RIBC2: variants seen among roughly 807,000 people sequenced by gnomAD.
RIBC2 encodes RIB43A-like with coiled-coils protein 2.
In RIBC2, 40 loss-of-function variants were observed where a neutral mutation model predicts 44.3. The observed-to-expected ratio is 0.90, with a 90% CI of 0.70 to 1.18. RIBC2 has a LOEUF of 1.18. Among genes scored for constraint, RIBC2 ranks in the 50% most tolerant of loss-of-function variants. The pLI is 0.00. For missense variants in RIBC2, 459 were observed against 485.5 expected (o/e 0.95, Z 0.51); for synonymous variants, 171 against 175.0 (o/e 0.98, Z 0.18).
At chr22:45,421,484 AATTAATT>A (rs1259785473) in intron 3 of RIBC2, among the ~76,000 whole-genome samples, 36 of 136,460 alleles carry the variant, frequency 2.6e-4, no homozygotes, top group Admixed American at 7.9e-4. Context: ...TTGGATGTCT[AATTAATT>A]ATTATTATTA....
Position 45,414,358 on chromosome 22 carries a change from C to G in RIBC2, c.166C>G (p.Gln56Glu), listed in dbSNP as rs914039259. Reference protein sequence around the residue: ...TEAWDVQVHDQKIKEATEKAR... With the variant: ...TEAWDVQVHDEKIKEATEKAR... ...AGCCTGGGATGTTCAAGTTCATGACCAGAAGATAAAAGAAGCTACTGAAAA... is the reference window on the plus strand; with the variant it reads ...AGCCTGGGATGTTCAAGTTCATGACGAGAAGATAAAAGAAGCTACTGAAAA... The change falls in exon 2 of 7, where the codon CAG (glutamine) becomes GAG (glutamate). Residue 56 changes from glutamine (Q) to glutamate (E), a missense_variant. Coordinates refer to ENST00000614167, the MANE Select transcript of RIBC2 (RefSeq NM_015653.5). 1.8e-5 allele frequency: 28 copies of G among 1,550,968 alleles called. No individual in the cohort carries two copies. Among genetic ancestry groups the G allele is most frequent in the Non-Finnish European group, 2.2e-5 (25 of 1,146,824 alleles).
At chr22:45,431,313 TG>T (rs891530174) in intron 6 of RIBC2, among the ~76,000 whole-genome samples, 4 of 152,054 alleles carry the variant, frequency 2.6e-5, no homozygotes, top group African/African-American at 7.2e-5. Flanking sequence ...CTGAGTCTGC[TG>T]GGGGAGTCAG....
chr22:45,414,120 A>T, intron 1 of RIBC2, 105 bp downstream of exon 1: 1 of 1,496,722 alleles, frequency 6.7e-7, no homozygotes, highest in Non-Finnish European at 8.9e-7. Context: ...CTGAGCCAGG[A>T]GGCAGCAAAC....
At chr22:45,421,877 C>T (rs1178359014) in intron 3 of RIBC2, among the ~76,000 whole-genome samples, 1 of 152,110 alleles carries the variant, frequency 6.6e-6, no homozygotes, top group Non-Finnish European at 1.5e-5. Context: ...CCACTTCCTC[C>T]ATAGAGTCCT....
At chr22:45,432,153 A>G (rs5765356) in intron 6 of RIBC2, 131 bp from the exon 7 acceptor site, 320,729 of 580,864 alleles carry the variant, frequency 0.55, 93,871 homozygotes, top group African/African-American at 0.88. Context: ...CTCATTAGGT[A>G]TGAAACGTAT....
Position 45,417,582 on chromosome 22 carries a change from A to G in RIBC2, c.212-20A>G, listed in dbSNP as rs146615540. 7 of 1,554,744 alleles carry G rather than the reference A, an allele frequency of 4.5e-6. No homozygotes were observed. In the African/African-American group the frequency reaches 8.2e-5, roughly 18 times the overall value. On this transcript the variant is annotated intron_variant, in intron 2 of 6. Transcript: ENST00000614167. ...TTTCCTCTGAATCCTAAGCTTATGG[A>G]TATGCTGTATCTCTTCCAGCTGCTG...
rs200413945 is a variant in RIBC2 at position 45,421,547 on chromosome 22, A to T, written c.557-743A>T. On this transcript the variant is annotated intron_variant, in intron 3 of 6. Transcript: ENST00000614167. ...AATAATAGTATTATTAATAATATTA[A>T]TAATAATAATAGTATTATTAATAAT... Among the ~76,000 whole-genome samples, 229 of 24,976 alleles carry T rather than the reference A, an allele frequency of 9.2e-3. 1 individual carries two copies. Among genetic ancestry groups the T allele is most frequent in the African/African-American group, 0.089 (177 of 1,986 alleles). The allele number at this position is 24,976 out of a possible 152,430, so 16.4% of individuals were successfully genotyped here. A position where few individuals can be genotyped will look rare whatever the true frequency, so the allele number is the denominator to read the frequency against.
At position 45,419,814 on chromosome 22, in the gene RIBC2, C is replaced by T. The variant is rs2146877968; in HGVS notation, c.556+1868C>T. ...GGCTGAGGCGGGCAGATCACGAGGT[C>T]AGGAGATCAAGACCATCCTGGCTAA... is the stretch of plus-strand genomic sequence containing the variant. On this transcript the variant is annotated intron_variant, in intron 3 of 6. Transcript: ENST00000614167. Among the ~76,000 whole-genome samples, 4 of 152,028 alleles carry T rather than the reference C, an allele frequency of 2.6e-5. No individual in the cohort carries two copies. The Middle Eastern group carries it at 0.014, about 521-fold the overall frequency.
intron 5 of RIBC2, among the ~76,000 whole-genome samples, chr22:45,428,227 G>A (rs1428626579): frequency 6.6e-6 from 1 of 152,218 alleles, no homozygotes; most frequent in Non-Finnish European, 1.5e-5. Flanking sequence ...GCAGAGGAGT[G>A]GGGCTGCCAG....
At position 45,413,716 on chromosome 22, in the gene RIBC2, G is replaced by A. The variant is rs1569205381; in HGVS notation, c.-171G>A. On this transcript the variant is annotated 5_prime_UTR_variant, in exon 1 of 7. Transcript: ENST00000614167. ...GAGTTGTTGACATTTCCGAGAGAGC[G>A]GGAGCGTCTGTACCTCTGCGGCGTC... The A allele has an allele frequency of 6.0e-6, 7 of 1,158,642 alleles. No individual in the cohort carries two copies. Among genetic ancestry groups the A allele is most frequent in the South Asian group, 4.5e-5 (3 of 66,998 alleles). 71.8% of individuals were successfully genotyped at this position (1,158,642 alleles called of 1,614,324 possible).
chr22:45,418,860 C>T (rs547030564), intron 3 of RIBC2, among the ~76,000 whole-genome samples: 1 of 152,282 alleles, frequency 6.6e-6, no homozygotes, highest in South Asian at 2.1e-4. Context: ...TTTATGCCCT[C>T]CCTGCTCCAC....
At chr22:45,424,790 C>T (rs1161306041) in intron 4 of RIBC2, among the ~76,000 whole-genome samples, 3 of 127,274 alleles carry the variant, frequency 2.4e-5, no homozygotes, top group African/African-American at 9.2e-5. Context: ...GTCTTGTTCT[C>T]TTGCCCAGCC....
In RIBC2 at chr22:45,413,744, T is replaced by G. The variant is rs2087386761; in HGVS notation, c.-143T>G. On this transcript the variant is annotated 5_prime_UTR_variant, in exon 1 of 7. Transcript: ENST00000614167. ...AGCGTCTGTACCTCTGCGGCGTCAC[T>G]GGGAGCCCGACGGAAAACTGCGCTA... 7.9e-7 allele frequency: 1 copy of G among 1,272,794 alleles called. No individual in the cohort carries two copies. 78.8% of individuals were successfully genotyped at this position (1,272,794 alleles called of 1,614,324 possible).
chr22:45,414,764 G>A (rs886284762), intron 2 of RIBC2, among the ~76,000 whole-genome samples: 6 of 152,110 alleles, frequency 3.9e-5, no homozygotes, highest in Admixed American at 1.3e-4. Flanking sequence ...TATTGAATTC[G>A]AATGTGGATT....
chr22:45,416,887 T>C (rs2087430030), intron 2 of RIBC2, among the ~76,000 whole-genome samples: 1 of 151,282 alleles, frequency 6.6e-6, no homozygotes, highest in African/African-American at 2.4e-5. Context: ...CATAATTGTA[T>C]TGATTACTCA....
At chr22:45,425,585 G>A (rs1389547582) in intron 4 of RIBC2, among the ~76,000 whole-genome samples, 1 of 152,222 alleles carries the variant, frequency 6.6e-6, no homozygotes, top group Non-Finnish European at 1.5e-5. Context: ...GCCCACAGAT[G>A]TCCAAGGGTT....
chr22:45,432,257 CT>C (rs747390850), intron 6 of RIBC2, 26 bp from the exon 7 acceptor site: 1,652 of 1,137,220 alleles, frequency 1.5e-3, no homozygotes, highest in South Asian at 2.0e-3. Context: ...ATTTGCTGAC[CT>C]TTTTTTTTTC....
Position 45,417,965 on chromosome 22 carries a change from C to T in RIBC2, c.556+19C>T, listed in dbSNP as rs189384368. Reference sequence around the variant, plus strand: ...TGCGCAGGTAATGAAACAGAAGAGACGAGCTGGTCTCAACGCTCTCTTCAA... The same window carrying T: ...TGCGCAGGTAATGAAACAGAAGAGATGAGCTGGTCTCAACGCTCTCTTCAA... On this transcript the variant is annotated intron_variant, in intron 3 of 6. Transcript: ENST00000614167. 8.8e-5 allele frequency: 135 copies of T among 1,526,494 alleles called. 1 individual carries two copies. In the African/African-American group the frequency reaches 1.2e-3, roughly 14 times the overall value. 94.6% of individuals were successfully genotyped at this position (1,526,494 alleles called of 1,614,324 possible). A position where few individuals can be genotyped will look rare whatever the true frequency, so the allele number is the denominator to read the frequency against.
chr22:45,416,531 G>A lies in RIBC2; in HGVS notation c.212-1071G>A, dbSNP rs146878123. Among the ~76,000 whole-genome samples the A allele has an allele frequency of 1.4e-3, 218 of 152,138 alleles. 1 individual carries two copies. Among genetic ancestry groups the A allele is most frequent in the African/African-American group, 5.1e-3 (213 of 41,510 alleles). On this transcript the variant is annotated intron_variant, in intron 2 of 6. Coordinates refer to ENST00000614167, the MANE Select transcript of RIBC2 (RefSeq NM_015653.5). The stretch of plus-strand genomic sequence containing the variant: ...GGCTGGAGTTCAGTGGAGCGATCTC[G>A]GCTCACTGCAACCTCTGCCTCCCGG...
Sources: gnomAD v4.1 joint callset for allele counts (sites outside exome capture counted in the v4.1 genomes callset) on GRCh38, gnomAD v4.1.1 for gene constraint, MANE v1.5 for transcripts, NCBI Gene and HGNC (gene_info 2026-07-23, HGNC 2026-07-21) for gene names.